Variants in ABCB1 observed in about 807,000 individuals in gnomAD.
ABCB1 encodes the protein ATP binding cassette subfamily B member 1, also known as ATP-dependent translocase ABCB1.
In ABCB1, 69 loss-of-function variants were observed where a neutral mutation model predicts 142.0. That is an observed-to-expected ratio of 0.49 (90% CI 0.40 to 0.59). ABCB1 has a LOEUF of 0.59. Among genes scored for constraint, ABCB1 ranks in the 20% least tolerant of loss-of-function variants. The probability of loss-of-function intolerance (pLI) is 0.00; values close to 1 mark genes in which losing one functional copy is unlikely to be tolerated. For missense variants in ABCB1, 1,326 were observed against 1,554.7 expected (o/e 0.85, Z 2.47); for synonymous variants, 532 against 539.2 (o/e 0.99, Z 0.18).
At chr7:87,683,340 T>G (rs1294423956) in intron 1 of ABCB1, among the ~76,000 whole-genome samples, 1 of 152,238 alleles carries the variant, frequency 6.6e-6, no homozygotes, top group East Asian at 1.9e-4. Context: ...AACTTTTTCT[T>G]TGTATTCACC....
intron 25 of ABCB1, among the ~76,000 whole-genome samples, chr7:87,514,406 A>C (rs1815143769): frequency 6.6e-6 from 1 of 152,160 alleles, no homozygotes; most frequent in Admixed American, 6.5e-5. Context: ...GTTTAAACTC[A>C]CTACTCCCTG....
chr7:87,638,347 G>GTT, intron 1 of ABCB1, among the ~76,000 whole-genome samples: 1 of 131,198 alleles, frequency 7.6e-6, no homozygotes, highest in Non-Finnish European at 1.6e-5. Context: ...GTATGTGTTT[G>GTT]TGTGTGTGTG....
intron 3 of ABCB1, among the ~76,000 whole-genome samples, chr7:87,592,051 G>A (rs900191317): frequency 2.8e-4 from 42 of 152,178 alleles, no homozygotes; most frequent in African/African-American, 1.0e-3. Context: ...GAGAGAGACA[G>A]GAACAGGAGC....
chr7:87,618,123 A>T (rs945832045), intron 1 of ABCB1, among the ~76,000 whole-genome samples: 1 of 152,052 alleles, frequency 6.6e-6, no homozygotes, highest in Non-Finnish European at 1.5e-5. Flanking sequence ...GTGTTGTCTA[A>T]TTCCGGGGGC....
chr7:87,619,403 G>A (rs965838967), intron 1 of ABCB1, among the ~76,000 whole-genome samples: 4 of 151,964 alleles, frequency 2.6e-5, no homozygotes, highest in African/African-American at 9.7e-5. Context: ...GCTGGGTATG[G>A]TGGCACATGC....
intron 21 of ABCB1, among the ~76,000 whole-genome samples, chr7:87,527,066 T>G (rs1251028434): frequency 1.3e-5 from 2 of 152,194 alleles, no homozygotes; most frequent in Admixed American, 1.3e-4. Flanking sequence ...CTCAATGATT[T>G]TTTTTAATAG....
At chr7:87,576,645 T>A (rs1818284254) in intron 4 of ABCB1, among the ~76,000 whole-genome samples, 1 of 151,804 alleles carries the variant, frequency 6.6e-6, no homozygotes, top group Non-Finnish European at 1.5e-5. Context: ...CCATTCTTTC[T>A]ACTTTTCTCC....
At chr7:87,709,642 T>G (rs376809093) in intron 1 of ABCB1, 1 of 377,636 alleles carries the variant, frequency 2.6e-6, no homozygotes, top group Non-Finnish European at 3.6e-6. Flanking sequence ...TCCCATAGTT[T>G]GGTGAATTCA....
chr7:87,591,340 GC>G (rs1818991638), intron 3 of ABCB1, among the ~76,000 whole-genome samples: 1 of 152,192 alleles, frequency 6.6e-6, no homozygotes, highest in African/African-American at 2.4e-5. Context: ...GTTGTTTTAA[GC>G]CACTAAGTGA....
chr7:87,554,295 C>G (rs1317002705), intron 8 of ABCB1, among the ~76,000 whole-genome samples: 2 of 150,990 alleles, frequency 1.3e-5, no homozygotes, highest in East Asian at 1.9e-4. Context: ...ATCTGCATGC[C>G]TCTTTAATTA....
chr7:87,609,136 AAAAC>A (rs1490134747), intron 1 of ABCB1, among the ~76,000 whole-genome samples: 1 of 152,170 alleles, frequency 6.6e-6, no homozygotes, highest in Non-Finnish European at 1.5e-5. Flanking sequence ...ATTACGGTGA[AAAAC>A]AGAGCAGGGG....
chr7:87,626,493 T>A lies in ABCB1; in HGVS notation c.-330-25415A>T, dbSNP rs1262212704. ...GTGTCATATATATGTGTCATATATA[T>A]GTGTCATATATGTGTCATATATATG... is the stretch of plus-strand genomic sequence containing the variant. On this transcript the variant is annotated intron_variant, in intron 1 of 28. Coordinates refer to the ABCB1 transcript ENST00000265724. 7.0e-4 allele frequency among the ~76,000 whole-genome samples: 9 copies of A among 12,822 alleles called. 4 individuals carry two copies. Among genetic ancestry groups the A allele is most frequent in the Non-Finnish European group, 9.8e-4 (9 of 9,142 alleles). The allele number at this position is 12,822 out of a possible 152,430, so 8.4% of individuals were successfully genotyped here.
intron 1 of ABCB1, among the ~76,000 whole-genome samples, chr7:87,682,943 T>C (rs1827071788): frequency 6.6e-6 from 1 of 152,248 alleles, no homozygotes; most frequent in Non-Finnish European, 1.5e-5. Context: ...TAGGTCTACA[T>C]TGAAAATCTG....
intron 4 of ABCB1, among the ~76,000 whole-genome samples, chr7:87,577,731 G>T (rs1382797194): frequency 6.6e-6 from 1 of 152,166 alleles, no homozygotes; most frequent in African/African-American, 2.4e-5. Flanking sequence ...CTTCTTTTGA[G>T]AAATGTCTAT....
At chr7:87,602,249 T>A (rs1251731349), upstream of ABCB1, among the ~76,000 whole-genome samples, 1 of 149,352 alleles carries the variant, frequency 6.7e-6, no homozygotes, top group African/African-American at 2.5e-5. Flanking sequence ...CGCCTCGGCC[T>A]CCCAAAGTGC....
intron 1 of ABCB1, among the ~76,000 whole-genome samples, chr7:87,675,594 C>A (rs1002412915): frequency 9.1e-6 from 1 of 109,626 alleles, no homozygotes; most frequent in African/African-American, 3.7e-5. Flanking sequence ...CAAGAGTACA[C>A]AATAGGGAAA....
chr7:87,564,838 C>G (rs985865371), intron 7 of ABCB1, among the ~76,000 whole-genome samples: 3 of 152,146 alleles, frequency 2.0e-5, no homozygotes, highest in African/African-American at 7.2e-5. Flanking sequence ...TGTTTTTAAT[C>G]TTAAAACAGA....
At position 87,545,844 on chromosome 7, in the gene ABCB1, T is replaced by C. The variant is rs745893641; in HGVS notation, c.1887+19A>G. ...TTATCACTGAGATGACTTAGGAAAATTCTGAAGTTAAACTATACCTGCATT... is the reference window on the plus strand; with the variant it reads ...TTATCACTGAGATGACTTAGGAAAACTCTGAAGTTAAACTATACCTGCATT... On this transcript the variant is annotated intron_variant, in intron 15 of 27. Coordinates refer to ENST00000622132, the MANE Select transcript of ABCB1 (RefSeq NM_001348946.2). The C allele has an allele frequency of 1.9e-6, 3 of 1,611,514 alleles. No homozygotes were observed. Among genetic ancestry groups the C allele is most frequent in the Non-Finnish European group, 2.5e-6 (3 of 1,178,472 alleles).
chr7:87,553,777 A>G lies in ABCB1; in HGVS notation c.983T>C (p.Ile328Thr), dbSNP rs1817193009. The stretch of plus-strand genomic sequence containing the variant: ...ACCACTTACAGTGAGTACTTGTCCA[A>G]TAGAATATTCCCCTGAGAGGACCAA... ...TTLVLSGEYSIGQVLTVFFSV... is the reference protein window; with the variant it reads ...TTLVLSGEYSTGQVLTVFFSV... The change falls in exon 9 of 28, where the codon ATT becomes ACT. Residue 328 changes from isoleucine to threonine, a missense_variant. Transcript: ENST00000622132. 2 of 1,614,128 alleles carry G rather than the reference A, an allele frequency of 1.2e-6. No individual in the cohort carries two copies. The highest frequency in any genetic ancestry group is 1.7e-6 in the Non-Finnish European group (2 of 1,179,972).
Sources: allele counts gnomAD v4.1 joint callset (sites outside exome capture counted in the v4.1 genomes callset), GRCh38; gene constraint gnomAD v4.1.1; transcripts MANE v1.5; gene names NCBI Gene and HGNC (gene_info 2026-07-23, HGNC 2026-07-21).